Variants in ZMYM1 observed in about 807,000 individuals in gnomAD.
The protein encoded by ZMYM1 is zinc finger MYM-type containing 1, also known as zinc finger MYM-type protein 1.
Under a neutral mutation model 60.0 loss-of-function variants are expected in ZMYM1, and 39 were observed. That is an observed-to-expected ratio of 0.65 (90% confidence interval 0.50 to 0.85). The LOEUF (loss-of-function observed/expected upper bound fraction) is 0.85, where lower values mean the gene tolerates loss of function less well. ZMYM1 is among the 40% of genes least tolerant of loss of function. The pLI is 0.00. For missense variants in ZMYM1, 1,171 were observed against 1,309.5 expected, an observed-to-expected ratio of 0.89 and a Z score of 1.63; for synonymous variants, 413 against 454.0, an observed-to-expected ratio of 0.91 and a Z score of 1.15.
intron 1 of ZMYM1, among the ~76,000 whole-genome samples, chr1:35,064,048 G>T (rs12072935): frequency 6.6e-6 from 1 of 151,802 alleles, no homozygotes; most frequent in Non-Finnish European, 1.5e-5. Context: ...AGTTTCAGCC[G>T]GGCACAGTGG....
upstream of ZMYM1, among the ~76,000 whole-genome samples, chr1:35,077,533 C>G (rs1369970070): frequency 1.3e-5 from 2 of 152,152 alleles, no homozygotes; most frequent in Non-Finnish European, 2.9e-5. Context: ...GATTCTGACC[C>G]TCCCTAAACT....
At position 35,069,667 on chromosome 1, in the gene ZMYM1, A is replaced by T. The variant is rs528736919; in HGVS notation, c.-300-9327A>T. 2.9e-4 allele frequency among the ~76,000 whole-genome samples: 44 copies of T among 152,244 alleles called. 1 individual carries two copies. Among genetic ancestry groups the T allele is most frequent in the Admixed American group, 1.9e-3 (29 of 15,286 alleles). On this transcript the variant is annotated intron_variant, in intron 1 of 10. Coordinates refer to the ZMYM1 transcript ENST00000417119. Reference sequence around the variant, plus strand: ...TTTTTTTAAAAAAATTGCCCAGTCCAATGTTATTAAGCATTTTCCCTGTGT... The same window carrying T: ...TTTTTTTAAAAAAATTGCCCAGTCCTATGTTATTAAGCATTTTCCCTGTGT...
rs765804624 is a variant in ZMYM1, at chr1:35,114,834, A to G, written c.3004A>G (p.Asn1002Asp). 1.2e-6 allele frequency: 2 copies of G among 1,606,752 alleles called. No homozygotes were observed. Among genetic ancestry groups the G allele is most frequent in the South Asian group, 2.2e-5 (2 of 89,298 alleles). Residue 1002 changes from asparagine to aspartate, a missense_variant, in exon 10 of 10, where the codon AAT (asparagine) becomes GAT (aspartate). Asn to Asp is a conservative substitution (Grantham distance 23). Coordinates refer to ENST00000359858, the MANE Select transcript of ZMYM1 (RefSeq NM_024772.5). ...AATTTCAGAACTGTTATTTAAATGG[A>G]ATGAACCATTAAATGAAACAACAGC... is the stretch of plus-strand genomic sequence containing the variant. ...KQISELLFKWNEPLNETTAKH... is the reference protein window; with the variant it reads ...KQISELLFKWDEPLNETTAKH...
intron 1 of ZMYM1, among the ~76,000 whole-genome samples, chr1:35,091,908 A>G (rs980298290): frequency 1.3e-5 from 2 of 150,962 alleles, no homozygotes; most frequent in East Asian, 1.9e-4. Flanking sequence ...AAAAAAAAAA[A>G]AGAGAAAAAG....
In ZMYM1 at chr1:35,104,313, G is replaced by C; in HGVS notation, c.438G>C (p.Lys146Asn). 6.3e-7 allele frequency: 1 copy of C among 1,588,990 alleles called. No individual in the cohort carries two copies. Among genetic ancestry groups the C allele is most frequent in the African/African-American group, 1.4e-5 (1 of 73,378 alleles). ...SNCSKDILNPKDVISVQLEDT... is the reference protein window; with the variant it reads ...SNCSKDILNPNDVISVQLEDT... ...TTCTTAGAGACATTTTAAATCCAAA[G>C]GATGTGATTAGTGTCCAGCTGGAAG... The change falls in exon 5 of 10, where the codon AAG becomes AAC. Residue 146 changes from lysine (K) to asparagine (N), a missense_variant. Transcript: ENST00000359858.
intron 1 of ZMYM1, among the ~76,000 whole-genome samples, chr1:35,087,300 A>T (rs1190737373): frequency 1.3e-5 from 2 of 151,950 alleles, no homozygotes; most frequent in South Asian, 2.1e-4. Flanking sequence ...CCAAAAATTC[A>T]TTTTTTAACA....
At chr1:35,097,225 GTC>G (rs1479969325) in intron 3 of ZMYM1, 90 bp from the exon 4 acceptor site, 7 of 1,420,050 alleles carry the variant, frequency 4.9e-6, no homozygotes, top group African/African-American at 1.4e-5. Context: ...ACAAGACCCT[GTC>G]TCTAAAAAAA....
chr1:35,116,858 T>G (rs1644254283), downstream of ZMYM1, among the ~76,000 whole-genome samples: 1 of 145,284 alleles, frequency 6.9e-6, no homozygotes, highest in African/African-American at 2.5e-5. Context: ...TTTTTTTTTT[T>G]TTTGAGACGG....
chr1:35,089,263 C>G (rs1372190186), intron 1 of ZMYM1, among the ~76,000 whole-genome samples: 6 of 152,252 alleles, frequency 3.9e-5, no homozygotes, highest in Admixed American at 3.9e-4. Flanking sequence ...GCACAAAACT[C>G]GGTGCTTTGT....
intron 1 of ZMYM1, among the ~76,000 whole-genome samples, chr1:35,088,147 C>T (rs1375501538): frequency 6.6e-6 from 1 of 151,766 alleles, no homozygotes; most frequent in African/African-American, 2.4e-5. Flanking sequence ...TGGCTGGGCG[C>T]GGTGGCTCAC....
intron 4 of ZMYM1, among the ~76,000 whole-genome samples, chr1:35,098,804 G>A (rs997782076): frequency 2.2e-4 from 33 of 152,116 alleles, no homozygotes; most frequent in African/African-American, 7.5e-4. Flanking sequence ...CTACTTGGGA[G>A]GCTGAAGCAG....
At chr1:35,073,221 C>G (rs2148479573) in intron 1 of ZMYM1, among the ~76,000 whole-genome samples, 1 of 134,362 alleles carries the variant, frequency 7.4e-6, no homozygotes, top group South Asian at 2.5e-4. Context: ...TCACTGCACT[C>G]CAGCCTGGGT....
At chr1:35,091,214 A>ATATT (rs377278111) in intron 1 of ZMYM1, among the ~76,000 whole-genome samples, 5,414 of 151,432 alleles carry the variant, frequency 0.036, 302 homozygotes, top group African/African-American at 0.12. Flanking sequence ...TCAAGTGGAG[A>ATATT]TATTTATTTA....
rs1056572951 is a variant in ZMYM1, at chr1:35,101,304, T to C, written c.420-2991T>C. 2.0e-5 allele frequency among the ~76,000 whole-genome samples: 3 copies of C among 151,254 alleles called. No individual in the cohort carries two copies. In the Admixed American group the frequency reaches 2.0e-4, roughly 10 times the overall value. On this transcript the variant is annotated intron_variant, in intron 4 of 9. Coordinates refer to ENST00000359858, the MANE Select transcript of ZMYM1 (RefSeq NM_024772.5). Reference sequence around the variant, plus strand: ...TTGTATTTTTAGTAGAGATGGGGTTTCACCGTGTTGGCCAGGCTGGTCTCC... The same window carrying C: ...TTGTATTTTTAGTAGAGATGGGGTTCCACCGTGTTGGCCAGGCTGGTCTCC...
Position 35,113,644 on chromosome 1 carries a change from T to A in ZMYM1, c.1814T>A (p.Met605Lys), listed in dbSNP as rs368582075. The stretch of plus-strand genomic sequence containing the variant: ...AAAGGAGAAGAAACATTTCGACTTA[T>A]GAATTCACAAGTTGACTTCTATAAC... ...KDKGEETFRL[M>K]NSQVDFYNST... Residue 605 changes from methionine to lysine, a missense_variant, in exon 10 of 10, where the codon ATG becomes AAG. Transcript: ENST00000359858. 2 of 1,612,618 alleles carry A rather than the reference T, an allele frequency of 1.2e-6. No individual in the cohort carries two copies. Among genetic ancestry groups the A allele is most frequent in the East Asian group, 4.5e-5 (2 of 44,840 alleles).
Position 35,069,745 on chromosome 1 carries a change from T to C in ZMYM1, c.-300-9249T>C, listed in dbSNP as rs796709605. Among the ~76,000 whole-genome samples, 35 of 152,358 alleles carry C rather than the reference T, an allele frequency of 2.3e-4. 1 individual carries two copies. The highest frequency in any genetic ancestry group is 7.9e-4 in the African/African-American group (33 of 41,582). On this transcript the variant is annotated intron_variant, in intron 1 of 10. Coordinates refer to the ZMYM1 transcript ENST00000417119. ...GTTTTACATTTAAGTCTTTAATTCA[T>C]TTTGAATTGAATTTTGTATATGGTG...
chr1:35,076,140 C>G (rs1196038801), upstream of ZMYM1, among the ~76,000 whole-genome samples: 2 of 152,146 alleles, frequency 1.3e-5, no homozygotes, highest in South Asian at 4.1e-4. Context: ...TTCTTAAGTT[C>G]CCATATACAC....
intron 1 of ZMYM1, among the ~76,000 whole-genome samples, chr1:35,068,272 A>G: frequency 6.6e-6 from 1 of 151,776 alleles, no homozygotes; most frequent in East Asian, 2.0e-4. Context: ...TACAAAAATT[A>G]TCCAGGTGTG....
intron 1 of ZMYM1, among the ~76,000 whole-genome samples, chr1:35,086,715 C>T (rs993638138): frequency 6.6e-6 from 1 of 151,438 alleles, no homozygotes; most frequent in Admixed American, 6.6e-5. Context: ...CAGTTTCGCA[C>T]TGTCACCCAG....
Sources: gnomAD v4.1 joint callset for allele counts (sites outside exome capture counted in the v4.1 genomes callset) on GRCh38, gnomAD v4.1.1 for gene constraint, MANE v1.5 for transcripts, NCBI Gene and HGNC (gene_info 2026-07-23, HGNC 2026-07-21) for gene names.